MED12L: variants seen among roughly 807,000 people sequenced by gnomAD.
MED12L encodes mediator complex subunit 12L.
In MED12L, 60 loss-of-function variants were observed where a neutral mutation model predicts 281.3. The observed-to-expected ratio is 0.21, with a 90% CI of 0.17 to 0.26. MED12L has a LOEUF of 0.26. Among genes scored for constraint, MED12L ranks in the 10% least tolerant of loss-of-function variants. MED12L has a pLI of 1.00. For missense variants in MED12L, 2,146 were observed against 2,680.9 expected, an observed-to-expected ratio of 0.80 and a Z score of 4.41; for synonymous variants, 974 against 987.2, an observed-to-expected ratio of 0.99 and a Z score of 0.25.
chr3:151,319,364 A>G (rs1748698388), intron 16 of MED12L, among the ~76,000 whole-genome samples: 1 of 152,054 alleles, frequency 6.6e-6, no homozygotes, highest in Non-Finnish European at 1.5e-5. Context: ...ACTTCATTGG[A>G]AAATCCTGTT....
rs1720038546 is a variant in MED12L at position 151,435,428 on chromosome 3, A to ACATAAGTTG, written c.*2627_*2635dup. 1 of 152,172 alleles carries ACATAAGTTG rather than the reference A, an allele frequency of 6.6e-6. No homozygotes were observed. The highest frequency in any genetic ancestry group is 6.5e-5 in the Admixed American group (1 of 15,276). The allele number at this position is 152,172 out of a possible 1,614,324, so 9.4% of individuals were successfully genotyped here. A position where few individuals can be genotyped will look rare whatever the true frequency, so the allele number is the denominator to read the frequency against. ...TCCAGCCACAGGGTACTAACATCAG[A>ACATAAGTTG]CATAAGTTGCAACCAGGTCACATTT... On this transcript the variant is annotated 3_prime_UTR_variant, in exon 45 of 45. Coordinates refer to ENST00000687756, the MANE Select transcript of MED12L (RefSeq NM_001393769.1).
In MED12L at chr3:151,180,291, C is replaced by T. The variant is rs557373466; in HGVS notation, c.1495-5039C>T. ...CAGGAATTTCTTCAGGTTGAGATCT[C>T]AGATGTCAGTAAGTTGGGACAGATG... On this transcript the variant is annotated intron_variant, in intron 11 of 44. Transcript: ENST00000687756. 4.6e-5 allele frequency among the ~76,000 whole-genome samples: 7 copies of T among 152,278 alleles called. No homozygotes were observed. The South Asian group carries it at 1.4e-3, about 32-fold the overall frequency.
At chr3:151,327,004 C>T (rs1386876241) in intron 16 of MED12L, 1 of 152,140 alleles carries the variant, frequency 6.6e-6, no homozygotes, top group Non-Finnish European at 1.5e-5. Flanking sequence ...TCGAGAATAG[C>T]AATTCTATTT....
At chr3:151,396,272 A>C (rs1714954682) in intron 39 of MED12L, among the ~76,000 whole-genome samples, 1 of 152,240 alleles carries the variant, frequency 6.6e-6, no homozygotes, top group Admixed American at 6.5e-5. Context: ...TTTTGAGTTA[A>C]AAAATTTCAC....
chr3:151,386,974 T>C (rs1713491572), intron 36 of MED12L, among the ~76,000 whole-genome samples: 1 of 152,140 alleles, frequency 6.6e-6, no homozygotes, highest in African/African-American at 2.4e-5. Context: ...CCTCACCAAG[T>C]GTTGGGATTA....
intron 5 of MED12L, among the ~76,000 whole-genome samples, chr3:151,140,317 T>A (rs56226762): frequency 0.01 from 1,528 of 152,364 alleles, 31 homozygotes; most frequent in African/African-American, 0.035. Flanking sequence ...ACAGCAGTAT[T>A]AACTCAATGC....
At chr3:151,220,733 CT>C (rs1729177976) in intron 16 of MED12L, among the ~76,000 whole-genome samples, 2 of 152,204 alleles carry the variant, frequency 1.3e-5, no homozygotes, top group South Asian at 4.1e-4. Context: ...CCATGTGGAA[CT>C]GTAAGTCCAG....
chr3:151,335,396 C>G (rs1750847570), intron 16 of MED12L, among the ~76,000 whole-genome samples: 1 of 152,080 alleles, frequency 6.6e-6, no homozygotes, highest in Non-Finnish European at 1.5e-5. Flanking sequence ...CCAAGCTGTA[C>G]AAAAATAGGC....
chr3:151,349,366 A>G (rs1423882310), intron 16 of MED12L, among the ~76,000 whole-genome samples: 1 of 152,194 alleles, frequency 6.6e-6, no homozygotes, highest in African/African-American at 2.4e-5. Flanking sequence ...TTTGCCTCAC[A>G]CCTAATGACA....
intron 11 of MED12L, among the ~76,000 whole-genome samples, chr3:151,182,859 T>C (rs1182955850): frequency 6.6e-6 from 1 of 152,154 alleles, no homozygotes; most frequent in East Asian, 1.9e-4. Flanking sequence ...AGTTTGGGGC[T>C]GGAGGCATGG....
rs768523887 is a variant in MED12L at position 151,385,220 on chromosome 3, A to T, written c.5088+29A>T. 3.3e-5 allele frequency: 35 copies of T among 1,070,484 alleles called. No homozygotes were observed. In the South Asian group the frequency reaches 3.9e-4, roughly 12 times the overall value. The allele number at this position is 1,070,484 out of a possible 1,614,324, so 66.3% of individuals were successfully genotyped here. On this transcript the variant is annotated intron_variant, in intron 36 of 44. Coordinates refer to ENST00000687756, the MANE Select transcript of MED12L (RefSeq NM_001393769.1). The stretch of plus-strand genomic sequence containing the variant: ...AGAGTGAATGTTTTTTCTTATATAT[A>T]AATTTATTTACAAAAGATGAAATAC...
At chr3:151,342,322 G>A (rs537904093) in intron 16 of MED12L, among the ~76,000 whole-genome samples, 4 of 152,354 alleles carry the variant, frequency 2.6e-5, no homozygotes, top group African/African-American at 7.2e-5. Flanking sequence ...TCTGTTATCA[G>A]TGGGAATCAT....
intron 11 of MED12L, among the ~76,000 whole-genome samples, chr3:151,183,688 T>C (rs867191327): frequency 9.8e-5 from 15 of 152,388 alleles, no homozygotes; most frequent in Middle Eastern, 3.4e-3. Context: ...CACATACAGT[T>C]CTTCTATATG....
intron 16 of MED12L, among the ~76,000 whole-genome samples, chr3:151,243,592 G>C (rs1444673414): frequency 6.6e-6 from 1 of 151,568 alleles, no homozygotes; most frequent in Non-Finnish European, 1.5e-5. Context: ...CACCAGGCCT[G>C]CCCTAAAAGA....
chr3:151,295,832 C>T (rs1424190573), intron 16 of MED12L, among the ~76,000 whole-genome samples: 1 of 152,186 alleles, frequency 6.6e-6, no homozygotes, highest in Non-Finnish European at 1.5e-5. Context: ...AATCTACTGT[C>T]TTCTAAAGTG....
At chr3:151,230,570 C>CTT (rs368433695) in intron 16 of MED12L, among the ~76,000 whole-genome samples, 8 of 139,452 alleles carry the variant, frequency 5.7e-5, no homozygotes, top group South Asian at 2.3e-4. Context: ...TTACTCCACG[C>CTT]TTTTTTTTTT....
intron 5 of MED12L, among the ~76,000 whole-genome samples, chr3:151,153,994 T>C (rs1412646020): frequency 6.6e-6 from 1 of 152,206 alleles, no homozygotes; most frequent in Non-Finnish European, 1.5e-5. Flanking sequence ...TGCTGTGCAC[T>C]CAGGGCTGAG....
intron 16 of MED12L, among the ~76,000 whole-genome samples, chr3:151,342,112 T>C (rs531347510): frequency 4.6e-4 from 70 of 152,298 alleles, no homozygotes; most frequent in Non-Finnish European, 6.3e-4. Flanking sequence ...ATGGCTGGGT[T>C]AAATGGTATT....
Position 151,379,320 on chromosome 3 carries a change from A to G in MED12L, c.4479-793A>G, listed in dbSNP as rs187466099. ...ACATCAGGGGCTCTTTATTCTGCCC[A>G]TGGAGAATAATGCTGATTGAAATAT... On this transcript the variant is annotated intron_variant, in intron 31 of 44. Transcript: ENST00000687756. Among the ~76,000 whole-genome samples the G allele has an allele frequency of 8.8e-4, 134 of 152,364 alleles. 1 individual carries two copies. Among genetic ancestry groups the G allele is most frequent in the Non-Finnish European group, 1.5e-3 (105 of 68,024 alleles).
Sources: gnomAD v4.1 joint callset for allele counts (sites outside exome capture counted in the v4.1 genomes callset) on GRCh38, gnomAD v4.1.1 for gene constraint, MANE v1.5 for transcripts, NCBI Gene and HGNC (gene_info 2026-07-23, HGNC 2026-07-21) for gene names.